Variants in TAS2R1 observed in about 807,000 individuals in gnomAD.
TAS2R1 encodes the protein taste 2 receptor member 1, also known as taste receptor type 2 member 1.
For synonymous variants in TAS2R1, 141 were observed against 134.2 expected, an observed-to-expected ratio of 1.05 and a Z score of -0.35; for missense variants, 370 against 353.4, an observed-to-expected ratio of 1.05 and a Z score of -0.38.
chr5:9,763,130 G>A, the TAS2R1 span, among the ~76,000 whole-genome samples: 6 of 152,242 alleles, frequency 3.9e-5, no homozygotes, highest in South Asian at 2.1e-4. Context: ...CTTAACCTTC[G>A]GAGAATTAGT....
chr5:9,804,903 T>C, the TAS2R1 span, among the ~76,000 whole-genome samples: 11 of 151,806 alleles, frequency 7.2e-5, no homozygotes, highest in African/African-American at 2.7e-4. Context: ...CGAGCAGAAC[T>C]AAATGAAATT....
At chr5:9,684,837 A>G (rs2126512999) in intron 1 of TAS2R1, among the ~76,000 whole-genome samples, 1 of 151,070 alleles carries the variant, frequency 6.6e-6, no homozygotes. Context: ...ATGTACAATG[A>G]TTATGTATCA....
At chr5:9,648,647 A>G (rs1381133106) in intron 2 of TAS2R1, among the ~76,000 whole-genome samples, 1 of 152,074 alleles carries the variant, frequency 6.6e-6, no homozygotes, top group Non-Finnish European at 1.5e-5. Context: ...GTCGAAATGA[A>G]AAACTCAATA....
upstream of TAS2R1, among the ~76,000 whole-genome samples, chr5:9,634,894 A>T (rs1739937073): frequency 6.6e-6 from 1 of 151,956 alleles, no homozygotes; most frequent in African/African-American, 2.4e-5. Context: ...CTGGTGAACA[A>T]CAACAGTTTG....
chr5:9,712,736 G>GTC (rs890572129), upstream of TAS2R1, among the ~76,000 whole-genome samples: 2 of 152,084 alleles, frequency 1.3e-5, no homozygotes, highest in African/African-American at 2.4e-5. Context: ...CACGTGCGCT[G>GTC]TCTCTCTCTC....
At chr5:9,743,620 T>G in the TAS2R1 span, among the ~76,000 whole-genome samples, 1 of 152,180 alleles carries the variant, frequency 6.6e-6, no homozygotes, top group Non-Finnish European at 1.5e-5. Flanking sequence ...CATGGAAATA[T>G]AAATGATAGT....
At chr5:9,873,869 G>T in the TAS2R1 span, among the ~76,000 whole-genome samples, 1 of 128,984 alleles carries the variant, frequency 7.8e-6, no homozygotes, top group Admixed American at 8.2e-5. Context: ...ACTCTGTCTC[G>T]GGGAAAAAAA....
At chr5:9,817,774 A>G in the TAS2R1 span, among the ~76,000 whole-genome samples, 1 of 152,066 alleles carries the variant, frequency 6.6e-6, no homozygotes, top group African/African-American at 2.4e-5. Context: ...TCATTGACTC[A>G]TAGTTCCATA....
At chr5:9,880,340 A>G in the TAS2R1 span, among the ~76,000 whole-genome samples, 1 of 152,186 alleles carries the variant, frequency 6.6e-6, no homozygotes, top group African/African-American at 2.4e-5. Context: ...TGGATGAACT[A>G]TGGTACATCA....
chr5:9,819,698 TG>T, the TAS2R1 span, among the ~76,000 whole-genome samples: 1 of 152,076 alleles, frequency 6.6e-6, no homozygotes, highest in African/African-American at 2.4e-5. Context: ...TGACATGAGG[TG>T]CATTAAAGCA....
At chr5:9,798,220 G>C in the TAS2R1 span, among the ~76,000 whole-genome samples, 1 of 152,218 alleles carries the variant, frequency 6.6e-6, no homozygotes, top group Non-Finnish European at 1.5e-5. Context: ...CTTGAGTTGG[G>C]AGAGGGCTCC....
intron 1 of TAS2R1, among the ~76,000 whole-genome samples, chr5:9,683,372 A>T (rs922862245): frequency 1.9e-4 from 29 of 152,214 alleles, no homozygotes; most frequent in African/African-American, 6.8e-4. Context: ...AGTCATACAC[A>T]TTTCAAAAAT....
the TAS2R1 span, among the ~76,000 whole-genome samples, chr5:9,853,451 G>A: frequency 1.3e-5 from 2 of 152,228 alleles, no homozygotes; most frequent in African/African-American, 4.8e-5. Flanking sequence ...CATTGCCATG[G>A]AAAGGGGCAG....
chr5:9,840,559 T>G, the TAS2R1 span, among the ~76,000 whole-genome samples: 2 of 152,154 alleles, frequency 1.3e-5, no homozygotes, highest in Non-Finnish European at 1.5e-5. Context: ...TTCCCTTATG[T>G]TTTTTGAATT....
chr5:9,796,722 AAAAAAAAAAAAAAAAAAGAAAAG>A, the TAS2R1 span, among the ~76,000 whole-genome samples: 5 of 78,742 alleles, frequency 6.3e-5, no homozygotes, highest in South Asian at 4.0e-4. Context: ...TATTTTCTGG[AAAAAAAAAAAAAAAAAAGAAAAG>A]AAAAAAAAAA....
the TAS2R1 span, among the ~76,000 whole-genome samples, chr5:9,754,209 C>A: frequency 3.3e-5 from 5 of 152,172 alleles, no homozygotes; most frequent in South Asian, 1.0e-3. Flanking sequence ...ATTCAACAAC[C>A]CTTCATGCTA....
chr5:9,659,034 C>G (rs1470835675), intron 2 of TAS2R1, among the ~76,000 whole-genome samples: 1 of 152,184 alleles, frequency 6.6e-6, no homozygotes, highest in Non-Finnish European at 1.5e-5. Context: ...TAAATTTTAT[C>G]CCCTGTGGCA....
chr5:9,634,077 T>A (rs908697812), upstream of TAS2R1, among the ~76,000 whole-genome samples: 1 of 152,098 alleles, frequency 6.6e-6, no homozygotes, highest in African/African-American at 2.4e-5. Flanking sequence ...TGGTTTTAGG[T>A]GTTATATTTA....
the TAS2R1 span, among the ~76,000 whole-genome samples, chr5:9,795,897 A>G: frequency 6.6e-6 from 1 of 152,290 alleles, no homozygotes; most frequent in Middle Eastern, 3.4e-3. Flanking sequence ...CACAGCTTCC[A>G]TCCTATTCTC....
Sources: gnomAD v4.1 joint callset for allele counts (sites outside exome capture counted in the v4.1 genomes callset) on GRCh38, gnomAD v4.1.1 for gene constraint, MANE v1.5 for transcripts, NCBI Gene and HGNC (gene_info 2026-07-23, HGNC 2026-07-21) for gene names.